CEP63: variants seen among roughly 807,000 people sequenced by gnomAD.
CEP63 encodes centrosomal protein 63.
Under a neutral mutation model 89.1 loss-of-function variants are expected in CEP63, and 84 were observed. The observed-to-expected ratio is 0.94, with a 90% CI of 0.79 to 1.13. The LOEUF is 1.13. Among genes scored for constraint, CEP63 ranks in the 50% most tolerant of loss-of-function variants. The pLI, the probability that CEP63 is intolerant of heterozygous loss-of-function variation, is 0.00. For synonymous variants in CEP63, 267 were observed against 272.5 expected, an observed-to-expected ratio of 0.98 and a Z score of 0.20; for missense variants, 838 against 813.3, an observed-to-expected ratio of 1.03 and a Z score of -0.37.
the CEP63 span, among the ~76,000 whole-genome samples, chr3:134,618,653 T>G: frequency 2.6e-5 from 4 of 151,890 alleles, no homozygotes; most frequent in African/African-American, 9.7e-5. Context: ...ACTCCCAGAG[T>G]GCTGAAAATG....
intron 1 of CEP63, among the ~76,000 whole-genome samples, chr3:134,492,598 ATC>A (rs1938110503): frequency 2.0e-5 from 3 of 149,530 alleles, no homozygotes; most frequent in Admixed American, 2.0e-4. Context: ...TTAAACAGGA[ATC>A]TCTATCTTAG....
At chr3:134,679,791 C>G in the CEP63 span, among the ~76,000 whole-genome samples, 3 of 152,134 alleles carry the variant, frequency 2.0e-5, no homozygotes, top group African/African-American at 7.2e-5. Context: ...GGTGCAACCT[C>G]GGCTCACTGC....
chr3:134,559,573 CAT>C, intron 14 of CEP63, 144 bp downstream of exon 14: 1 of 730,642 alleles, frequency 1.4e-6, no homozygotes. Flanking sequence ...GTATCCCTGT[CAT>C]ACAGTTTTTG....
the CEP63 span, among the ~76,000 whole-genome samples, chr3:134,621,898 C>A: frequency 6.6e-6 from 1 of 152,106 alleles, no homozygotes; most frequent in East Asian, 1.9e-4. Flanking sequence ...CAAAAAGGGG[C>A]AAAGGACTTG....
At chr3:134,568,325 TC>T (rs902500426), downstream of CEP63, among the ~76,000 whole-genome samples, 3 of 152,172 alleles carry the variant, frequency 2.0e-5, no homozygotes, top group Non-Finnish European at 4.4e-5. Flanking sequence ...GTGTTTCAGA[TC>T]CCCAACTTAA....
chr3:134,572,892 C>T (rs1208750051), intron 11 of CEP63, among the ~76,000 whole-genome samples: 1 of 152,126 alleles, frequency 6.6e-6, no homozygotes, highest in Non-Finnish European at 1.5e-5. Flanking sequence ...AAAGCATTCC[C>T]TTTTCTCTGC....
At chr3:134,774,934 G>A in the CEP63 span, among the ~76,000 whole-genome samples, 5 of 152,130 alleles carry the variant, frequency 3.3e-5, no homozygotes, top group African/African-American at 4.8e-5. Flanking sequence ...GGAGTGCTGC[G>A]GGGTTGATGT....
Position 134,559,282 on chromosome 3 carries a change from A to G in CEP63, c.1806A>G (p.Gln602=), listed in dbSNP as rs143608581. The change falls in exon 14 of 15, where the codon CAA becomes CAG. Residue 602 remains glutamine (Q), a synonymous_variant. Coordinates refer to ENST00000675561, the MANE Select transcript of CEP63 (RefSeq NM_001353108.3). The stretch of plus-strand genomic sequence containing the variant: ...GGGTGCTAAGCCCCCTGAGTCCTCA[A>G]ATCAGCCCTTGCAGCTCCACCAGGT... ...MSRVLSPLSP[Q]ISPCSSTRSL... 2.6e-5 allele frequency: 42 copies of G among 1,614,044 alleles called. No homozygotes were observed. The highest frequency in any genetic ancestry group is 3.4e-5 in the Non-Finnish European group (40 of 1,180,030).
At chr3:134,570,039 CAGGGCACCAAGTTCCT>C (rs993190611) in intron 11 of CEP63, among the ~76,000 whole-genome samples, 105 of 152,314 alleles carry the variant, frequency 6.9e-4, no homozygotes, top group African/African-American at 2.0e-3. Context: ...GGCTGGGACA[CAGGGCACCAAGTTCCT>C]AGGCTGCACA....
chr3:134,731,541 T>C, the CEP63 span, among the ~76,000 whole-genome samples: 5 of 152,158 alleles, frequency 3.3e-5, no homozygotes, highest in Non-Finnish European at 5.9e-5. Flanking sequence ...AAGTGGACTT[T>C]TAAAATACTT....
chr3:134,567,877 AGAG>A (rs1655322811), downstream of CEP63, among the ~76,000 whole-genome samples: 1 of 152,358 alleles, frequency 6.6e-6, no homozygotes, highest in Non-Finnish European at 1.5e-5. Context: ...CTCAGTGCTT[AGAG>A]GAGGACTGTT....
At chr3:134,668,124 G>A in the CEP63 span, among the ~76,000 whole-genome samples, 1 of 152,086 alleles carries the variant, frequency 6.6e-6, no homozygotes, top group Non-Finnish European at 1.5e-5. Flanking sequence ...AGACTTGCAG[G>A]AACCGCCTCA....
chr3:134,676,306 GC>G, the CEP63 span, among the ~76,000 whole-genome samples: 2 of 152,186 alleles, frequency 1.3e-5, no homozygotes, highest in Non-Finnish European at 2.9e-5. Context: ...AAAAAATCAT[GC>G]TGTGTGAAAA....
At chr3:134,537,103 G>A in intron 5 of CEP63, 52 bp from the exon 6 acceptor site, 1 of 1,084,404 alleles carries the variant, frequency 9.2e-7, no homozygotes, top group Non-Finnish European at 1.4e-6. Flanking sequence ...CTGGGAAGTA[G>A]TGACAGTGAG....
chr3:134,537,419 T>G (rs917829965), intron 6 of CEP63, 151 bp downstream of exon 6: 5 of 661,770 alleles, frequency 7.6e-6, no homozygotes, highest in Non-Finnish European at 1.4e-5. Context: ...CCTCAGCATC[T>G]AGACTCAGCT....
At chr3:134,693,757 G>A in the CEP63 span, among the ~76,000 whole-genome samples, 55 of 152,302 alleles carry the variant, frequency 3.6e-4, no homozygotes, top group Admixed American at 7.8e-4. Context: ...GCTAAAGAAC[G>A]TAGAGAACCT....
rs1958332450 is a variant in CEP63, at chr3:134,581,002, GTGATGTGGTATGAGAAGGA to G, written c.1207-6455_1207-6437del. Among the ~76,000 whole-genome samples the G allele has an allele frequency of 6.2e-4, 13 of 21,084 alleles. No individual in the cohort carries two copies. In the South Asian group the frequency reaches 0.02, roughly 32 times the overall value. 13.8% of individuals were successfully genotyped at this position (21,084 alleles called of 152,430 possible). ...AAGAGGGAGGCAGAAGAGTATCAGA[GTGATGTGGTATGAGAAGGA>G]CTCCACTGGCCATTGGTGGTTATGA... On this transcript the variant is annotated intron_variant, in intron 10 of 10. Coordinates refer to the CEP63 transcript ENST00000683931.
At chr3:134,528,494 G>T (rs1194761305) in intron 3 of CEP63, among the ~76,000 whole-genome samples, 1 of 151,956 alleles carries the variant, frequency 6.6e-6, no homozygotes, top group Non-Finnish European at 1.5e-5. Flanking sequence ...TCTGCAGGTG[G>T]GTCTTGTCTA....
the CEP63 span, among the ~76,000 whole-genome samples, chr3:134,687,215 T>C: frequency 1.3e-5 from 2 of 152,294 alleles, no homozygotes; most frequent in African/African-American, 2.4e-5. Flanking sequence ...CATGGAGAAA[T>C]TCTCAATACA....
Sources: allele counts gnomAD v4.1 joint callset (sites outside exome capture counted in the v4.1 genomes callset), GRCh38; gene constraint gnomAD v4.1.1; transcripts MANE v1.5; gene names NCBI Gene and HGNC (gene_info 2026-07-23, HGNC 2026-07-21).